CAMK2D: variants seen among roughly 807,000 people sequenced by gnomAD.
CAMK2D encodes the protein calcium/calmodulin-dependent protein kinase type II subunit delta.
CAMK2D carries 37 observed loss-of-function variants against 84.0 expected under a neutral mutation model. The observed-to-expected ratio is 0.44, with a 90% CI of 0.34 to 0.58. The LOEUF is 0.58. Among genes scored for constraint, CAMK2D ranks in the 20% least tolerant of loss-of-function variants. The pLI, the probability that CAMK2D is intolerant of heterozygous loss-of-function variation, is 0.02. For synonymous variants in CAMK2D, 202 were observed against 212.5 expected, an observed-to-expected ratio of 0.95 and a Z score of 0.43; for missense variants, 448 against 652.5, an observed-to-expected ratio of 0.69 and a Z score of 3.41.
At chr4:113,484,300 T>A (rs527549173) in intron 16 of CAMK2D, among the ~76,000 whole-genome samples, 1 of 152,182 alleles carries the variant, frequency 6.6e-6, no homozygotes, top group Non-Finnish European at 1.5e-5. Flanking sequence ...AGATGACTAG[T>A]CCAGGAATAG....
At chr4:113,605,332 T>C (rs1190795203) in intron 4 of CAMK2D, among the ~76,000 whole-genome samples, 2 of 152,250 alleles carry the variant, frequency 1.3e-5, no homozygotes, top group East Asian at 3.8e-4. Context: ...TCTTTGAGTT[T>C]CACTTCTTTT....
At chr4:113,612,818 G>A (rs2099005980) in intron 3 of CAMK2D, among the ~76,000 whole-genome samples, 1 of 152,156 alleles carries the variant, frequency 6.6e-6, no homozygotes, top group East Asian at 1.9e-4. Context: ...TTATAAGGGG[G>A]ATAAAAGTGC....
intron 3 of CAMK2D, among the ~76,000 whole-genome samples, chr4:113,610,439 T>G (rs749925741): frequency 1.1e-4 from 17 of 152,206 alleles, no homozygotes; most frequent in Non-Finnish European, 2.4e-4. Flanking sequence ...ATAAGAACAT[T>G]CAGGTTATCA....
At chr4:113,729,376 C>T (rs1313266295) in intron 2 of CAMK2D, among the ~76,000 whole-genome samples, 2 of 152,192 alleles carry the variant, frequency 1.3e-5, no homozygotes, top group Non-Finnish European at 2.9e-5. Flanking sequence ...CTTACCAATC[C>T]AATTTCAGTT....
chr4:113,571,599 C>T (rs557680971), intron 4 of CAMK2D, among the ~76,000 whole-genome samples: 3 of 152,272 alleles, frequency 2.0e-5, no homozygotes, highest in Non-Finnish European at 4.4e-5. Flanking sequence ...CTCGGCTGGG[C>T]GCGGTGGCTC....
intron 9 of CAMK2D, among the ~76,000 whole-genome samples, chr4:113,516,300 G>A (rs6533691): frequency 0.6 from 91,273 of 152,022 alleles, 29,357 homozygotes; most frequent in African/African-American, 0.84. Flanking sequence ...ATTAGGAGCT[G>A]TTAAAGAAAC....
chr4:113,453,383 C>T lies in CAMK2D; in HGVS notation c.*1162G>A, dbSNP rs1016051936. The T allele has an allele frequency of 6.6e-6, 1 of 152,144 alleles. No individual in the cohort carries two copies. The highest frequency in any genetic ancestry group is 2.4e-5 in the African/African-American group (1 of 41,434). 9.4% of individuals were successfully genotyped at this position (152,144 alleles called of 1,614,324 possible). A position where few individuals can be genotyped will look rare whatever the true frequency, so the allele number is the denominator to read the frequency against. On this transcript the variant is annotated 3_prime_UTR_variant, in exon 21 of 21. Coordinates refer to ENST00000511664, the MANE Select transcript of CAMK2D (RefSeq NM_001321571.2). ...AGGTGAGTGCGTTTGCATAAAACCCCCTCTGCTATCAAGTTGGTATCCTCC... is the reference window on the plus strand; with the variant it reads ...AGGTGAGTGCGTTTGCATAAAACCCTCTCTGCTATCAAGTTGGTATCCTCC...
chr4:113,463,498 T>A (rs2097418599), intron 17 of CAMK2D, among the ~76,000 whole-genome samples: 1 of 152,188 alleles, frequency 6.6e-6, no homozygotes, highest in South Asian at 2.1e-4. Context: ...TGCCTCAGCC[T>A]CCCAAGTAGC....
intron 17 of CAMK2D, among the ~76,000 whole-genome samples, chr4:113,463,466 T>A (rs1268311423): frequency 6.6e-6 from 1 of 152,194 alleles, no homozygotes; most frequent in African/African-American, 2.4e-5. Flanking sequence ...AACCTCTGCC[T>A]CCTGGGTTCA....
chr4:113,718,076 G>A (rs1202292562), intron 2 of CAMK2D, among the ~76,000 whole-genome samples: 1 of 152,072 alleles, frequency 6.6e-6, no homozygotes, highest in African/African-American at 2.4e-5. Context: ...TGCCCAATGG[G>A]TTTTCTTTAC....
At chr4:113,552,911 GTTA>G (rs2098639390) in intron 4 of CAMK2D, among the ~76,000 whole-genome samples, 1 of 152,112 alleles carries the variant, frequency 6.6e-6, no homozygotes, top group Non-Finnish European at 1.5e-5. Context: ...ACTAATAATA[GTTA>G]TTATTAATAA....
chr4:113,571,930 A>T (rs1291866397), intron 4 of CAMK2D, among the ~76,000 whole-genome samples: 4 of 152,240 alleles, frequency 2.6e-5, no homozygotes, highest in Non-Finnish European at 4.4e-5. Flanking sequence ...CAATAAATTC[A>T]ATTAACTCAA....
intron 2 of CAMK2D, among the ~76,000 whole-genome samples, chr4:113,746,632 C>T (rs535292730): frequency 3.3e-5 from 5 of 151,970 alleles, no homozygotes; most frequent in Non-Finnish European, 7.4e-5. Flanking sequence ...GTGAAGGGGG[C>T]AAAGTCAACC....
At chr4:113,735,781 C>T (rs557120559) in intron 2 of CAMK2D, among the ~76,000 whole-genome samples, 1 of 152,114 alleles carries the variant, frequency 6.6e-6, no homozygotes, top group East Asian at 1.9e-4. Flanking sequence ...AACAAAAAGA[C>T]TAGATTAGCC....
intron 2 of CAMK2D, among the ~76,000 whole-genome samples, chr4:113,709,384 GA>G (rs200896836): frequency 6.7e-6 from 1 of 149,262 alleles, no homozygotes; most frequent in Admixed American, 6.7e-5. Context: ...GACCAGAAAT[GA>G]AAAAAAAAGT....
chr4:113,593,143 T>C (rs1017517504), intron 4 of CAMK2D, among the ~76,000 whole-genome samples: 2 of 152,210 alleles, frequency 1.3e-5, no homozygotes, highest in Admixed American at 6.5e-5. Flanking sequence ...TATAAGCCAC[T>C]GTGCCCAGCC....
chr4:113,451,106 T>C lies in CAMK2D; in HGVS notation c.*3439A>G, dbSNP rs1264018969. 6.6e-6 allele frequency: 1 copy of C among 152,230 alleles called. No individual in the cohort carries two copies. Among genetic ancestry groups the C allele is most frequent in the Non-Finnish European group, 1.5e-5 (1 of 68,034 alleles). The allele number at this position is 152,230 out of a possible 1,614,324, so 9.4% of individuals were successfully genotyped here. A position where few individuals can be genotyped will look rare whatever the true frequency, so the allele number is the denominator to read the frequency against. ...GTCATCTATGTTTACCCTTAAATTA[T>C]AATTTTTTACATAAAAATTCAAAAT... On this transcript the variant is annotated 3_prime_UTR_variant, in exon 21 of 21. Coordinates refer to ENST00000511664, the MANE Select transcript of CAMK2D (RefSeq NM_001321571.2).
intron 8 of CAMK2D, among the ~76,000 whole-genome samples, chr4:113,519,972 A>G (rs770259483): frequency 6.6e-6 from 1 of 152,192 alleles, no homozygotes; most frequent in African/African-American, 2.4e-5. Flanking sequence ...ATGATAATAT[A>G]AAATTTAAAA....
intron 3 of CAMK2D, among the ~76,000 whole-genome samples, chr4:113,624,764 C>T (rs2099060758): frequency 6.6e-6 from 1 of 152,066 alleles, no homozygotes; most frequent in Non-Finnish European, 1.5e-5. Context: ...GTGTCTTAAA[C>T]CAAATCATCT....
Sources: allele counts gnomAD v4.1 joint callset (sites outside exome capture counted in the v4.1 genomes callset), GRCh38; gene constraint gnomAD v4.1.1; transcripts MANE v1.5; gene names NCBI Gene and HGNC (gene_info 2026-07-23, HGNC 2026-07-21).